Variants in MDGA2 observed in about 807,000 individuals in gnomAD.
MDGA2 encodes the protein MAM domain-containing glycosylphosphatidylinositol anchor protein 2.
MDGA2 carries 40 observed loss-of-function variants against 117.8 expected under a neutral mutation model. The observed-to-expected ratio is 0.34, with a 90% CI of 0.26 to 0.44. MDGA2 has a LOEUF of 0.44. MDGA2 is among the 20% of genes least tolerant of loss of function. The pLI, the probability that MDGA2 is intolerant of heterozygous loss-of-function variation, is 1.00. For missense variants in MDGA2, 1,123 were observed against 1,250.6 expected (o/e 0.90, Z 1.54); for synonymous variants, 452 against 439.0 (o/e 1.03, Z -0.37).
At chr14:47,327,390 A>C (rs556238055) in intron 1 of MDGA2, among the ~76,000 whole-genome samples, 1 of 152,274 alleles carries the variant, frequency 6.6e-6, no homozygotes, top group South Asian at 2.1e-4. Context: ...TTTGACATTA[A>C]ATTGTATGAA....
At chr14:47,390,447 C>T (rs754205702) in intron 1 of MDGA2, among the ~76,000 whole-genome samples, 74 of 152,092 alleles carry the variant, frequency 4.9e-4, no homozygotes, top group Admixed American at 8.5e-4. Flanking sequence ...CGTAAAGATA[C>T]TATCGTTTTT....
intron 1 of MDGA2, among the ~76,000 whole-genome samples, chr14:47,639,658 G>T (rs932405151): frequency 6.6e-6 from 1 of 151,936 alleles, no homozygotes; most frequent in Non-Finnish European, 1.5e-5. Flanking sequence ...GACTTTTATG[G>T]CATTTCATAT....
At chr14:47,226,624 G>T (rs1402010839) in intron 2 of MDGA2, among the ~76,000 whole-genome samples, 1 of 152,114 alleles carries the variant, frequency 6.6e-6, no homozygotes, top group Non-Finnish European at 1.5e-5. Context: ...GAGGTGACAG[G>T]AGGGTACATC....
At chr14:47,354,323 C>A (rs181795613) in intron 1 of MDGA2, among the ~76,000 whole-genome samples, 2 of 152,240 alleles carry the variant, frequency 1.3e-5, no homozygotes, top group Admixed American at 6.5e-5. Flanking sequence ...TGAAAAAGTA[C>A]CTACCTGCAA....
At chr14:47,451,299 T>C (rs967580140) in intron 1 of MDGA2, among the ~76,000 whole-genome samples, 1 of 152,154 alleles carries the variant, frequency 6.6e-6, no homozygotes, top group Non-Finnish European at 1.5e-5. Flanking sequence ...GGAAAAACTT[T>C]AGTGAATCTG....
chr14:47,321,554 G>C (rs991798027), intron 1 of MDGA2, among the ~76,000 whole-genome samples: 5 of 152,178 alleles, frequency 3.3e-5, no homozygotes, highest in African/African-American at 1.2e-4. Context: ...GCTATTCTGT[G>C]GTTTCTTCTG....
intron 1 of MDGA2, among the ~76,000 whole-genome samples, chr14:47,318,575 A>G (rs1889879642): frequency 6.6e-6 from 1 of 150,890 alleles, no homozygotes; most frequent in Non-Finnish European, 1.5e-5. Context: ...TGATTGTTAA[A>G]GTCAGTCAGT....
chr14:47,306,210 G>T (rs2275505), intron 1 of MDGA2: 1 of 152,082 alleles, frequency 6.6e-6, no homozygotes, highest in East Asian at 1.9e-4. Flanking sequence ...ACAATTAACT[G>T]AATCTGAGGG....
intron 14 of MDGA2, among the ~76,000 whole-genome samples, chr14:46,857,875 C>G (rs889969400): frequency 6.6e-6 from 1 of 152,008 alleles, no homozygotes; most frequent in Non-Finnish European, 1.5e-5. Flanking sequence ...AGGTAGATCT[C>G]CAACTGAGTT....
chr14:47,130,881 T>C (rs907971052), intron 5 of MDGA2, among the ~76,000 whole-genome samples: 6 of 152,084 alleles, frequency 3.9e-5, no homozygotes, highest in African/African-American at 1.2e-4. Flanking sequence ...TAGTCTAATA[T>C]AGTTACTTAA....
In MDGA2 at chr14:47,175,498, C is replaced by T. The variant is rs1459196157; in HGVS notation, c.596-31224G>A. Among the ~76,000 whole-genome samples the T allele has an allele frequency of 9.1e-3, 1,350 of 148,832 alleles. 16 individuals carry two copies. The highest frequency in any genetic ancestry group is 0.031 in the African/African-American group (1,237 of 39,406). ...TGGGATGCAAGGCTGGTTCAATATA[C>T]GCAAATCAATAAATGTAATCCAGCA... On this transcript the variant is annotated intron_variant, in intron 3 of 16. Coordinates refer to ENST00000399232, the MANE Select transcript of MDGA2 (RefSeq NM_001113498.3).
At chr14:47,115,011 T>G (rs950315173) in intron 5 of MDGA2, among the ~76,000 whole-genome samples, 2 of 149,424 alleles carry the variant, frequency 1.3e-5, no homozygotes, top group African/African-American at 2.5e-5. Context: ...GGAAGAAAAT[T>G]TTTGCTTATG....
intron 1 of MDGA2, among the ~76,000 whole-genome samples, chr14:47,611,768 AT>A (rs1252271635): frequency 1.4e-4 from 21 of 152,208 alleles, no homozygotes; most frequent in Admixed American, 7.2e-4. Context: ...GGAAAGCCAC[AT>A]GCCAAACAAA....
At chr14:47,534,401 G>C (rs561852144) in intron 1 of MDGA2, among the ~76,000 whole-genome samples, 10 of 152,218 alleles carry the variant, frequency 6.6e-5, no homozygotes, top group African/African-American at 2.4e-4. Flanking sequence ...CCCGAGACTG[G>C]GTAATTTATA....
At chr14:47,129,541 G>A (rs1188563125) in intron 5 of MDGA2, among the ~76,000 whole-genome samples, 16 of 146,412 alleles carry the variant, frequency 1.1e-4, no homozygotes, top group African/African-American at 3.0e-4. Context: ...GAATAATGCC[G>A]CAATAAACAT....
At chr14:46,859,098 C>A (rs1021275851) in intron 14 of MDGA2, among the ~76,000 whole-genome samples, 1 of 152,126 alleles carries the variant, frequency 6.6e-6, no homozygotes, top group Non-Finnish European at 1.5e-5. Context: ...ATGAATCTTA[C>A]TGGGGCTTGC....
intron 4 of MDGA2, among the ~76,000 whole-genome samples, chr14:47,141,238 G>T (rs967002077): frequency 6.6e-6 from 1 of 152,054 alleles, no homozygotes; most frequent in Non-Finnish European, 1.5e-5. Context: ...CAGTATAGAG[G>T]TTCCTCAAAA....
At chr14:47,122,526 G>GAGTGAAT (rs1162916341) in intron 5 of MDGA2, among the ~76,000 whole-genome samples, 1 of 152,016 alleles carries the variant, frequency 6.6e-6, no homozygotes, top group African/African-American at 2.4e-5. Flanking sequence ...CTAGTATTCG[G>GAGTGAAT]AGTGAATAAG....
chr14:47,087,351 CA>C (rs1040758987), intron 6 of MDGA2, among the ~76,000 whole-genome samples: 1 of 140,124 alleles, frequency 7.1e-6, no homozygotes, highest in Non-Finnish European at 1.5e-5. Context: ...CCCACCTCTA[CA>C]AAAAAACACA....
Sources: allele counts gnomAD v4.1 joint callset (sites outside exome capture counted in the v4.1 genomes callset), GRCh38; gene constraint gnomAD v4.1.1; transcripts MANE v1.5; gene names NCBI Gene and HGNC (gene_info 2026-07-23, HGNC 2026-07-21).